The following THADA variants were observed in gnomAD, a reference collection of about 807,000 sequenced individuals.
The protein encoded by THADA is tRNA (32-2'-O)-methyltransferase regulator THADA.
Under a neutral mutation model 219.8 loss-of-function variants are expected in THADA, and 213 were observed. The observed-to-expected ratio is 0.97, with a 90% CI of 0.87 to 1.09. The LOEUF (loss-of-function observed/expected upper bound fraction) is 1.09, where lower values mean the gene tolerates loss of function less well. Among genes scored for constraint, THADA ranks in the 50% least tolerant of loss-of-function variants. The pLI is 0.00. For missense variants in THADA, 2,956 were observed against 2,311.3 expected (o/e 1.28, Z -5.72); for synonymous variants, 1,018 against 828.9 (o/e 1.23, Z -3.92).
intron 36 of THADA, among the ~76,000 whole-genome samples, chr2:43,253,223 G>A (rs138281496): frequency 3.9e-4 from 59 of 152,286 alleles, no homozygotes; most frequent in African/African-American, 1.3e-3. Context: ...ACCTGAAGAC[G>A]CCTGGGAGGA....
At chr2:43,373,419 G>C (rs1394450727) in intron 29 of THADA, among the ~76,000 whole-genome samples, 2 of 151,798 alleles carry the variant, frequency 1.3e-5, no homozygotes, top group African/African-American at 2.4e-5. Flanking sequence ...ATTTGTGTTA[G>C]TACATGACTA....
At chr2:43,421,464 A>G (rs889662709) in intron 28 of THADA, among the ~76,000 whole-genome samples, 2 of 152,162 alleles carry the variant, frequency 1.3e-5, no homozygotes, top group South Asian at 2.1e-4. Context: ...GCAAAGCCCT[A>G]TTTCTCAGGT....
intron 26 of THADA, among the ~76,000 whole-genome samples, chr2:43,464,076 T>C (rs1683948681): frequency 6.6e-6 from 1 of 152,224 alleles, no homozygotes; most frequent in African/African-American, 2.4e-5. Flanking sequence ...TATTGATATA[T>C]GGTCAGAAAA....
Position 43,590,952 on chromosome 2 carries a change from A to C in THADA, c.174T>G (p.Ile58Met). The C allele has an allele frequency of 6.2e-7, 1 of 1,611,296 alleles. No individual in the cohort carries two copies. Among genetic ancestry groups the C allele is most frequent in the Non-Finnish European group, 8.5e-7 (1 of 1,178,640 alleles). ...TATCTGCTTTCTCCAGCAGAGGCAC[A>C]ATCTATAATACAAAACATTGAAGTA... ...GVSQIHYIKQ[I>M]VPLLEKADKN... The change falls in exon 4 of 38, where the codon ATT becomes ATG. Residue 58 changes from isoleucine to methionine, a missense_variant and splice_region_variant. Transcript: ENST00000405975.
intron 22 of THADA, among the ~76,000 whole-genome samples, chr2:43,520,453 C>T (rs1558901682): frequency 6.6e-6 from 1 of 152,198 alleles, no homozygotes; most frequent in East Asian, 1.9e-4. Flanking sequence ...TTTGGGAAGC[C>T]AAGGCCGGAG....
At chr2:43,521,104 G>T (rs1027275998) in intron 22 of THADA, among the ~76,000 whole-genome samples, 4 of 136,450 alleles carry the variant, frequency 2.9e-5, no homozygotes, top group Admixed American at 7.2e-5. Context: ...AGGAAAGAGA[G>T]GGAAGGGAGG....
chr2:43,462,501 T>C (rs1157015606), intron 26 of THADA, among the ~76,000 whole-genome samples: 1 of 152,148 alleles, frequency 6.6e-6, no homozygotes, highest in Non-Finnish European at 1.5e-5. Context: ...CAAACTAAAA[T>C]AGAAGGTAAC....
intron 22 of THADA, among the ~76,000 whole-genome samples, chr2:43,514,720 ATT>A (rs1354321633): frequency 1.3e-5 from 1 of 75,182 alleles, no homozygotes; most frequent in Non-Finnish European, 2.2e-5. Flanking sequence ...ATAAATATAT[ATT>A]ATATATAATA....
intron 29 of THADA, among the ~76,000 whole-genome samples, chr2:43,353,528 T>G (rs970163170): frequency 5.3e-5 from 8 of 152,254 alleles, no homozygotes; most frequent in African/African-American, 1.9e-4. Flanking sequence ...TTGCCCATTT[T>G]TAAATTGGGT....
At chr2:43,593,978 C>T (rs1249181699) in intron 1 of THADA, among the ~76,000 whole-genome samples, 1 of 152,122 alleles carries the variant, frequency 6.6e-6, no homozygotes, top group Non-Finnish European at 1.5e-5. Flanking sequence ...TCAGTACAAG[C>T]TACAGGGAAA....
At chr2:43,530,810 A>G (rs958233388) in intron 21 of THADA, among the ~76,000 whole-genome samples, 12 of 152,246 alleles carry the variant, frequency 7.9e-5, no homozygotes, top group Admixed American at 3.3e-4. Flanking sequence ...CAAAGACCTC[A>G]GAAGTATGAC....
At chr2:43,287,216 G>A (rs998274351) in intron 34 of THADA, among the ~76,000 whole-genome samples, 155 bp from the exon 35 acceptor site, 3 of 152,220 alleles carry the variant, frequency 2.0e-5, no homozygotes, top group Admixed American at 6.5e-5. Context: ...TCCAACTAGA[G>A]AGAAATATGC....
rs145039119 is a variant in THADA at position 43,340,652 on chromosome 2, T to C, written c.4343+3470A>G. ...TCTTTGCAAAAACATTAATTTTTCA[T>C]AGCTTATATTCAAAAGATACAGAAA... On this transcript the variant is annotated intron_variant, in intron 30 of 37. Coordinates refer to ENST00000405975, the MANE Select transcript of THADA (RefSeq NM_022065.5). Among the ~76,000 whole-genome samples the C allele has an allele frequency of 5.3e-4, 81 of 152,332 alleles. No homozygotes were observed. The East Asian group carries it at 0.014, about 27-fold the overall frequency.
intron 26 of THADA, among the ~76,000 whole-genome samples, chr2:43,440,309 T>C (rs1361307081): frequency 1.3e-5 from 2 of 152,224 alleles, no homozygotes; most frequent in African/African-American, 4.8e-5. Flanking sequence ...AGTAATCTAT[T>C]GCATGATTGA....
At chr2:43,487,534 C>T (rs1163357222) in intron 25 of THADA, among the ~76,000 whole-genome samples, 1 of 152,192 alleles carries the variant, frequency 6.6e-6, no homozygotes, top group Non-Finnish European at 1.5e-5. Flanking sequence ...ATGGACCAGA[C>T]AGTTCTAATC....
intron 29 of THADA, among the ~76,000 whole-genome samples, chr2:43,378,182 G>C (rs966273790): frequency 6.6e-6 from 1 of 152,156 alleles, no homozygotes; most frequent in Admixed American, 6.5e-5. Flanking sequence ...ATGGGGAAGA[G>C]ACACCTTCAT....
chr2:43,236,500 C>T (rs1241377120), intron 36 of THADA, among the ~76,000 whole-genome samples: 1 of 152,184 alleles, frequency 6.6e-6, no homozygotes, highest in African/African-American at 2.4e-5. Context: ...TAGGCTCTTA[C>T]AGGCTGGCCA....
At chr2:43,418,748 G>C (rs1017832681) in intron 28 of THADA, among the ~76,000 whole-genome samples, 5 of 152,064 alleles carry the variant, frequency 3.3e-5, no homozygotes, top group Middle Eastern at 3.4e-3. Flanking sequence ...GTATACCAAT[G>C]TTTGAGAGGC....
At chr2:43,318,623 T>C (rs1490252693) in intron 31 of THADA, among the ~76,000 whole-genome samples, 3 of 152,194 alleles carry the variant, frequency 2.0e-5, no homozygotes, top group African/African-American at 7.2e-5. Flanking sequence ...TTTTTAGAGC[T>C]ATGGTTGTCA....
Sources: gnomAD v4.1 joint callset for allele counts (sites outside exome capture counted in the v4.1 genomes callset) on GRCh38, gnomAD v4.1.1 for gene constraint, MANE v1.5 for transcripts, NCBI Gene and HGNC (gene_info 2026-07-23, HGNC 2026-07-21) for gene names.